The following GRIP1 variants were observed in gnomAD, a reference collection of about 807,000 sequenced individuals.
GRIP1 encodes glutamate receptor-interacting protein 1.
GRIP1 carries 45 observed loss-of-function variants against 129.9 expected under a neutral mutation model. The ratio of observed to expected loss-of-function variants is 0.35; its 90% CI spans 0.27 to 0.44. The LOEUF is 0.44. GRIP1 is among the 20% of genes least tolerant of loss of function. The pLI, the probability that GRIP1 is intolerant of heterozygous loss-of-function variation, is 1.00. For synonymous variants in GRIP1, 530 were observed against 520.8 expected (o/e 1.02, Z -0.24); for missense variants, 1,196 against 1,396.8 (o/e 0.86, Z 2.29).
intron 7 of GRIP1, among the ~76,000 whole-genome samples, chr12:66,490,504 T>G (rs1434471654): frequency 2.0e-5 from 3 of 152,110 alleles, no homozygotes; most frequent in Non-Finnish European, 4.4e-5. Context: ...ACTTAAATGT[T>G]AAACCCAAAA....
intron 1 of GRIP1, among the ~76,000 whole-genome samples, chr12:66,943,991 C>T (rs969410514): frequency 6.6e-6 from 1 of 152,138 alleles, no homozygotes; most frequent in South Asian, 2.1e-4. Flanking sequence ...TAATCTTTCA[C>T]CGATGTCCTG....
intron 7 of GRIP1, among the ~76,000 whole-genome samples, chr12:66,514,607 G>A (rs1483470901): frequency 6.6e-6 from 1 of 152,006 alleles, no homozygotes; most frequent in Admixed American, 6.6e-5. Flanking sequence ...TAAGGGAGGC[G>A]ATATTCATTT....
intron 1 of GRIP1, among the ~76,000 whole-genome samples, chr12:66,674,298 C>T (rs1565958743): frequency 6.6e-6 from 1 of 152,104 alleles, no homozygotes; most frequent in African/African-American, 2.4e-5. Context: ...GTGACCAGAA[C>T]AGAAAATCCA....
At chr12:66,471,468 T>A (rs528141293) in intron 7 of GRIP1, among the ~76,000 whole-genome samples, 1 of 152,316 alleles carries the variant, frequency 6.6e-6, no homozygotes, top group African/African-American at 2.4e-5. Flanking sequence ...AGAGGGAATA[T>A]TTGCACAACT....
At chr12:67,064,756 T>A (rs988147668) in intron 1 of GRIP1, among the ~76,000 whole-genome samples, 1 of 151,756 alleles carries the variant, frequency 6.6e-6, no homozygotes, top group East Asian at 1.9e-4. Context: ...TAGATATTTT[T>A]TTATTATTAT....
chr12:66,838,801 G>C lies in GRIP1; in HGVS notation c.58+230249C>G, dbSNP rs549027583. On this transcript the variant is annotated intron_variant, in intron 1 of 1. Transcript: ENST00000643019. ...GTTAAAAACAAGAAAAGCCCACCAA[G>C]TAAGAAAGGATGACAGAATAGGCAC... 1.4e-3 allele frequency among the ~76,000 whole-genome samples: 217 copies of C among 152,304 alleles called. 2 individuals carry two copies. The highest frequency in any genetic ancestry group is 4.1e-3 in the Admixed American group (62 of 15,302).
chr12:66,808,934 C>T (rs1353671775), upstream of GRIP1, among the ~76,000 whole-genome samples: 3 of 152,142 alleles, frequency 2.0e-5, no homozygotes, highest in Non-Finnish European at 4.4e-5. Context: ...TCCAGCACCC[C>T]TATATTTTGA....
intron 1 of GRIP1, among the ~76,000 whole-genome samples, chr12:66,763,937 G>A (rs761101559): frequency 8.5e-5 from 13 of 152,194 alleles, no homozygotes; most frequent in Non-Finnish European, 1.9e-4. Context: ...AAGTGGTGCA[G>A]CAAGCACTGA....
chr12:66,810,549 C>T (rs1461696638), intron 1 of GRIP1, among the ~76,000 whole-genome samples: 1 of 151,782 alleles, frequency 6.6e-6, no homozygotes, highest in African/African-American at 2.4e-5. Flanking sequence ...GAGAGTGAAA[C>T]CCTGTGTCAA....
rs115932251 is a variant in GRIP1 at position 66,931,402 on chromosome 12, A to G, written c.58+137648T>C. ...ATTATCAGAAGAAGAATAACAAAGAATATCACTCTGGCAGGTGATTAAGCA... is the reference window on the plus strand; with the variant it reads ...ATTATCAGAAGAAGAATAACAAAGAGTATCACTCTGGCAGGTGATTAAGCA... On this transcript the variant is annotated intron_variant, in intron 1 of 1. Transcript: ENST00000643019. Among the ~76,000 whole-genome samples, 695 of 152,322 alleles carry G rather than the reference A, an allele frequency of 4.6e-3. 6 individuals carry two copies. The highest frequency in any genetic ancestry group is 0.015 in the African/African-American group (637 of 41,566).
chr12:66,870,297 TAA>T (rs1477220159), intron 1 of GRIP1, among the ~76,000 whole-genome samples: 3 of 152,118 alleles, frequency 2.0e-5, no homozygotes, highest in Admixed American at 6.6e-5. Context: ...AGAAAAATGA[TAA>T]AGTTATTACT....
rs117725686 is a variant in GRIP1, at chr12:66,568,371, T to C, written c.137-26421A>G. 49 of 169,162 alleles carry C rather than the reference T, an allele frequency of 2.9e-4. No homozygotes were observed. The East Asian group carries it at 8.3e-3, about 29-fold the overall frequency. 10.5% of individuals were successfully genotyped at this position (169,162 alleles called of 1,614,324 possible). A position where few individuals can be genotyped will look rare whatever the true frequency, so the allele number is the denominator to read the frequency against. On this transcript the variant is annotated intron_variant, in intron 2 of 24. Coordinates refer to ENST00000359742, the MANE Select transcript of GRIP1 (RefSeq NM_001366722.1). ...CTGCATATGCTTCTAAAAGAGATCC[T>C]CTTTCAAGAAAAAATGGTGGAAGAT...
intron 1 of GRIP1, among the ~76,000 whole-genome samples, chr12:66,944,281 G>A (rs1393638032): frequency 6.6e-6 from 1 of 152,132 alleles, no homozygotes; most frequent in Non-Finnish European, 1.5e-5. Flanking sequence ...TGTGACTTGT[G>A]CATGACTTGG....
intron 1 of GRIP1, among the ~76,000 whole-genome samples, chr12:66,729,496 A>G (rs1309643201): frequency 6.6e-6 from 1 of 152,212 alleles, no homozygotes; most frequent in East Asian, 1.9e-4. Context: ...TATATCTTCC[A>G]ATTTACAGAA....
At chr12:66,687,231 G>A (rs929256100) in intron 1 of GRIP1, among the ~76,000 whole-genome samples, 1 of 152,124 alleles carries the variant, frequency 6.6e-6, no homozygotes, top group African/African-American at 2.4e-5. Context: ...CAATGAAGTG[G>A]AAATACTCTG....
chr12:66,835,976 CATATAAAAACTCTCTCT>C (rs1298770127), intron 1 of GRIP1, among the ~76,000 whole-genome samples: 1 of 152,050 alleles, frequency 6.6e-6, no homozygotes, highest in African/African-American at 2.4e-5. Flanking sequence ...GGGGAGGGAA[CATATAAAAACTCTCTCT>C]ATACCTTCCA....
intron 7 of GRIP1, 141 bp from the exon 8 acceptor site, chr12:66,465,563 C>T (rs2059263505): frequency 2.8e-6 from 2 of 709,396 alleles, no homozygotes; most frequent in Non-Finnish European, 4.9e-6. Context: ...ATATAATATC[C>T]CCACAGCCAA....
chr12:66,765,323 T>C (rs1023196717), intron 1 of GRIP1, among the ~76,000 whole-genome samples: 1 of 152,196 alleles, frequency 6.6e-6, no homozygotes, highest in Non-Finnish European at 1.5e-5. Flanking sequence ...TCTGAACACC[T>C]CTAGCCTCTC....
At chr12:66,399,899 C>T (rs2056923801) in intron 16 of GRIP1, among the ~76,000 whole-genome samples, 1 of 151,892 alleles carries the variant, frequency 6.6e-6, no homozygotes, top group African/African-American at 2.4e-5. Flanking sequence ...AGAAAGTAAA[C>T]CATTTGAACA....
Sources: allele counts gnomAD v4.1 joint callset (sites outside exome capture counted in the v4.1 genomes callset), GRCh38; gene constraint gnomAD v4.1.1; transcripts MANE v1.5; gene names NCBI Gene and HGNC (gene_info 2026-07-23, HGNC 2026-07-21).